VPS50: variants seen among roughly 807,000 people sequenced by gnomAD.
VPS50 encodes VPS50 subunit of EARP/GARPII complex.
A neutral mutation model predicts 139.7 loss-of-function variants in VPS50; 70 were observed. The ratio of observed to expected loss-of-function variants is 0.50; its 90% CI spans 0.41 to 0.61. The LOEUF is 0.61. VPS50 is among the 20% of genes least tolerant of loss of function. VPS50 has a pLI of 0.00. For synonymous variants in VPS50, 365 were observed against 376.7 expected, an observed-to-expected ratio of 0.97 and a Z score of 0.36; for missense variants, 921 against 1,133.7, an observed-to-expected ratio of 0.81 and a Z score of 2.69.
At chr7:93,298,525 A>G (rs946355076) in intron 16 of VPS50, among the ~76,000 whole-genome samples, 6 of 152,192 alleles carry the variant, frequency 3.9e-5, no homozygotes, top group Admixed American at 1.3e-4. Context: ...TTTGTATCCA[A>G]CATGACAACT....
chr7:93,263,692 T>G (rs1289271966), intron 9 of VPS50, among the ~76,000 whole-genome samples: 1 of 152,212 alleles, frequency 6.6e-6, no homozygotes, highest in Non-Finnish European at 1.5e-5. Context: ...CATATTTGCT[T>G]CTGCATAAAG....
intron 26 of VPS50, among the ~76,000 whole-genome samples, chr7:93,354,602 T>G (rs1241499035): frequency 6.6e-6 from 1 of 152,160 alleles, no homozygotes; most frequent in East Asian, 1.9e-4. Flanking sequence ...GTTATACTCC[T>G]GATTTCTGGT....
chr7:93,253,985 C>A, intron 4 of VPS50, 54 bp downstream of exon 4: 2 of 919,266 alleles, frequency 2.2e-6, no homozygotes, highest in Non-Finnish European at 3.5e-6. Flanking sequence ...TGAAACACAA[C>A]AGAGAGGTAT....
At chr7:93,299,643 C>G (rs1214425531) in intron 16 of VPS50, among the ~76,000 whole-genome samples, 1 of 152,056 alleles carries the variant, frequency 6.6e-6, no homozygotes, top group East Asian at 1.9e-4. Flanking sequence ...GGTGGAACAT[C>G]TACTTATGAA....
intron 12 of VPS50, among the ~76,000 whole-genome samples, chr7:93,281,082 A>G (rs1328510995): frequency 6.6e-6 from 1 of 152,154 alleles, no homozygotes; most frequent in African/African-American, 2.4e-5. Flanking sequence ...TGTTGACACA[A>G]TTAGAGTCTG....
At chr7:93,272,247 A>G (rs3802062) in intron 10 of VPS50, among the ~76,000 whole-genome samples, 12,460 of 151,836 alleles carry the variant, frequency 0.082, 549 homozygotes, top group East Asian at 0.19. Context: ...TTCGTTGATT[A>G]GAGAAAGATT....
At chr7:93,348,362 A>C (rs1020494372) in intron 23 of VPS50, among the ~76,000 whole-genome samples, 2 of 152,278 alleles carry the variant, frequency 1.3e-5, no homozygotes, top group East Asian at 3.9e-4. Flanking sequence ...TGAGATCTTT[A>C]AAAGAAATCC....
intron 11 of VPS50, 94 bp from the exon 12 acceptor site, chr7:93,276,052 CTTTGTGTTGTAACTATTAT>C: frequency 1.0e-6 from 1 of 988,894 alleles, no homozygotes; most frequent in Non-Finnish European, 1.5e-6. Flanking sequence ...AAACTATTAT[CTTTGTGTTGTAACTATTAT>C]TTGAAAAGAT....
intron 2 of VPS50, among the ~76,000 whole-genome samples, chr7:93,240,557 A>G (rs1297930102): frequency 6.6e-6 from 1 of 152,148 alleles, no homozygotes; most frequent in African/African-American, 2.4e-5. Context: ...ATTATTAAGT[A>G]TTGTTAAATC....
chr7:93,238,476 C>T (rs1794885137), intron 1 of VPS50, among the ~76,000 whole-genome samples: 1 of 152,142 alleles, frequency 6.6e-6, no homozygotes, highest in South Asian at 2.1e-4. Flanking sequence ...CACTGGGCTG[C>T]AGAGGCAAAT....
chr7:93,254,240 G>A (rs1357045138), intron 4 of VPS50, among the ~76,000 whole-genome samples: 3 of 152,188 alleles, frequency 2.0e-5, no homozygotes, highest in Admixed American at 1.3e-4. Flanking sequence ...ATAGACGTAT[G>A]ATTTCCCTAC....
intron 19 of VPS50, among the ~76,000 whole-genome samples, chr7:93,310,866 A>T (rs1206122028): frequency 1.3e-5 from 2 of 152,156 alleles, no homozygotes. Flanking sequence ...AAGAAACAGT[A>T]CATTTGCACC....
intron 2 of VPS50, among the ~76,000 whole-genome samples, chr7:93,245,775 A>G (rs75206755): frequency 0.026 from 3,997 of 152,024 alleles, 190 homozygotes; most frequent in African/African-American, 0.091. Context: ...TTTATTTAAA[A>G]TGCACACAGA....
intron 9 of VPS50, among the ~76,000 whole-genome samples, chr7:93,265,971 G>A (rs1795832310): frequency 6.6e-6 from 1 of 152,132 alleles, no homozygotes; most frequent in Non-Finnish European, 1.5e-5. Context: ...GGTTATATAT[G>A]GTTTGAAGGA....
At chr7:93,358,282 A>G (rs1798762689) in intron 27 of VPS50, 35 bp from the exon 28 acceptor site, 1 of 1,605,888 alleles carries the variant, frequency 6.2e-7, no homozygotes, top group Non-Finnish European at 8.5e-7. Context: ...CATTCCTTTT[A>G]GGGTACTAAA....
chr7:93,345,576 T>C (rs1780813207), intron 23 of VPS50, among the ~76,000 whole-genome samples: 1 of 151,986 alleles, frequency 6.6e-6, no homozygotes, highest in South Asian at 2.1e-4. Flanking sequence ...CAAAAATCCT[T>C]AATAAAATAC....
intron 27 of VPS50, among the ~76,000 whole-genome samples, chr7:93,357,888 A>T (rs192107397): frequency 3.4e-5 from 5 of 147,300 alleles, no homozygotes; most frequent in African/African-American, 1.3e-4. Flanking sequence ...GTTGTTGGAG[A>T]TTTTTTTTTT....
rs1184224691 is a variant in VPS50 at position 93,359,192 on chromosome 7, T to C, written c.*756T>C. 1 of 152,160 alleles carries C rather than the reference T, an allele frequency of 6.6e-6. No individual in the cohort carries two copies. Among genetic ancestry groups the C allele is most frequent in the Admixed American group, 6.6e-5 (1 of 15,252 alleles). 9.4% of individuals were successfully genotyped at this position (152,160 alleles called of 1,614,324 possible). A position where few individuals can be genotyped will look rare whatever the true frequency, so the allele number is the denominator to read the frequency against. ...GCCTGAGTAGCATACAGAATCATGATTATGAGACTTTCTTTTATCTTTCTT... is the reference window on the plus strand; with the variant it reads ...GCCTGAGTAGCATACAGAATCATGACTATGAGACTTTCTTTTATCTTTCTT... On this transcript the variant is annotated 3_prime_UTR_variant, in exon 28 of 28. Coordinates refer to ENST00000305866, the MANE Select transcript of VPS50 (RefSeq NM_017667.4).
At chr7:93,269,395 A>G (rs1795939324) in intron 9 of VPS50, among the ~76,000 whole-genome samples, 1 of 152,068 alleles carries the variant, frequency 6.6e-6, no homozygotes, top group Admixed American at 6.6e-5. Flanking sequence ...TATCAGTCCT[A>G]CACTGTTAAT....
Sources: gnomAD v4.1 joint callset for allele counts (sites outside exome capture counted in the v4.1 genomes callset) on GRCh38, gnomAD v4.1.1 for gene constraint, MANE v1.5 for transcripts, NCBI Gene and HGNC (gene_info 2026-07-23, HGNC 2026-07-21) for gene names.